The following ABCA5 variants were observed in gnomAD, a reference collection of about 807,000 sequenced individuals.
ABCA5 encodes ATP binding cassette subfamily A member 5.
In ABCA5, 163 loss-of-function variants were observed where a neutral mutation model predicts 206.0. That is an observed-to-expected ratio of 0.79 (90% CI 0.70 to 0.90). The LOEUF is 0.90. ABCA5 is among the 40% of genes least tolerant of loss of function. ABCA5 has a pLI of 0.00. For missense variants in ABCA5, 1,859 were observed against 1,912.9 expected (o/e 0.97, Z 0.53); for synonymous variants, 609 against 613.8 (o/e 0.99, Z 0.11).
chr17:69,271,114 A>G, intron 21 of ABCA5, 48 bp downstream of exon 21: 1 of 1,568,934 alleles, frequency 6.4e-7, no homozygotes, highest in Non-Finnish European at 8.6e-7. Flanking sequence ...AAACGTTTTA[A>G]TCTTGCATAA....
intron 20 of ABCA5, among the ~76,000 whole-genome samples, chr17:69,273,559 G>A (rs2075297271): frequency 6.6e-6 from 1 of 151,468 alleles, no homozygotes; most frequent in Non-Finnish European, 1.5e-5. Context: ...GGGTTCAAGC[G>A]ATTCTCCTGC....
rs182021100 is a variant in ABCA5 at position 69,292,257 on chromosome 17, C to T, written c.1496-931G>A. Among the ~76,000 whole-genome samples, 102 of 152,250 alleles carry T rather than the reference C, an allele frequency of 6.7e-4. 1 individual carries two copies. In the South Asian group the frequency reaches 7.9e-3, roughly 12 times the overall value. On this transcript the variant is annotated intron_variant, in intron 11 of 38. Transcript: ENST00000392676. ...AACGTTAAGTGTTCTGCCCCATGAACGTGGTATTTCTATTTATTTAAATCT... is the reference window on the plus strand; with the variant it reads ...AACGTTAAGTGTTCTGCCCCATGAATGTGGTATTTCTATTTATTTAAATCT...
chr17:69,286,135 T>A, intron 16 of ABCA5, 86 bp downstream of exon 16: 1 of 1,548,990 alleles, frequency 6.5e-7, no homozygotes, highest in Non-Finnish European at 8.8e-7. Context: ...TAAATGATGG[T>A]CAAAGCATAT....
At chr17:69,303,807 T>TACACATATATATATATACAC (rs1555584104) in intron 7 of ABCA5, among the ~76,000 whole-genome samples, 3 of 5,224 alleles carry the variant, frequency 5.7e-4, no homozygotes, top group Non-Finnish European at 1.2e-3. Flanking sequence ...TATATATATA[T>TACACATATATATATATACAC]ACATACATAT....
At chr17:69,257,504 G>C (rs1806069622) in intron 28 of ABCA5, among the ~76,000 whole-genome samples, 1 of 152,024 alleles carries the variant, frequency 6.6e-6, no homozygotes. Context: ...GAAAGGTAAG[G>C]GAAAACCCAG....
chr17:69,310,835 CA>C (rs1395778021), intron 3 of ABCA5, among the ~76,000 whole-genome samples: 51 of 152,274 alleles, frequency 3.3e-4, no homozygotes, highest in African/African-American at 1.1e-3. Context: ...TCCTCATCTA[CA>C]ATGCCTAGCT....
At chr17:69,325,169 C>T (rs929824871) in intron 1 of ABCA5, among the ~76,000 whole-genome samples, 17 of 147,834 alleles carry the variant, frequency 1.1e-4, no homozygotes, top group Non-Finnish European at 2.1e-4. Context: ...AATAGCCAGG[C>T]GTAGGGGCAC....
chr17:69,308,245 C>A, intron 5 of ABCA5, 35 bp downstream of exon 5: 1 of 1,325,308 alleles, frequency 7.5e-7, no homozygotes, highest in Non-Finnish European at 1.1e-6. Flanking sequence ...TTTAAAATGG[C>A]ATAGTTTTTG....
chr17:69,299,246 A>G (rs2075623995), intron 9 of ABCA5, among the ~76,000 whole-genome samples: 1 of 152,208 alleles, frequency 6.6e-6, no homozygotes, highest in South Asian at 2.1e-4. Flanking sequence ...CACTATGGAA[A>G]GCAGTGTGGA....
rs2144981462 is a variant in ABCA5, at chr17:69,289,853, A to C, written c.1782+9T>G. ...AATAAAAGTAAAGATTTCTATATGA[A>C]TAGCATACTTCTTGTATTATATTGT... On this transcript the variant is annotated intron_variant, in intron 13 of 38. Coordinates refer to ENST00000392676, the MANE Select transcript of ABCA5 (RefSeq NM_172232.4). The C allele has an allele frequency of 6.3e-7, 1 of 1,582,160 alleles. No individual in the cohort carries two copies. Among genetic ancestry groups the C allele is most frequent in the Non-Finnish European group, 8.6e-7 (1 of 1,163,560 alleles).
rs2075350520 is a variant in ABCA5, at chr17:69,277,800, T to A, written c.2435A>T (p.Asp812Val). ...FTQQPLEEEM[D>V]SKSFDEMEQS... Reference sequence around the variant, plus strand: ...TTCCATTTCATCAAAAGATTTTGAATCCATTTCTTCCTCCAGTGGCTGCTG... The same window carrying A: ...TTCCATTTCATCAAAAGATTTTGAAACCATTTCTTCCTCCAGTGGCTGCTG... Residue 812 changes from aspartate to valine, a missense_variant, in exon 19 of 39, where the codon GAT (aspartate) becomes GTT (valine). Asp to Val is a radical substitution (Grantham distance 152). Coordinates refer to ENST00000392676, the MANE Select transcript of ABCA5 (RefSeq NM_172232.4). 1.9e-6 allele frequency: 3 copies of A among 1,579,010 alleles called. No individual in the cohort carries two copies. Among genetic ancestry groups the A allele is most frequent in the African/African-American group, 2.7e-5 (2 of 73,098 alleles).
chr17:69,311,851 C>T (rs936673359), intron 3 of ABCA5, among the ~76,000 whole-genome samples: 2 of 152,108 alleles, frequency 1.3e-5, no homozygotes, highest in Non-Finnish European at 2.9e-5. Context: ...AATTTCATTT[C>T]AACATTTTTA....
In ABCA5 at chr17:69,283,915, A is replaced by T. The variant is rs147877340; in HGVS notation, c.2392+38T>A. The T allele has an allele frequency of 3.6e-3, 5,750 of 1,590,782 alleles. 187 individuals carry two copies. In the African/African-American group the frequency reaches 0.067, roughly 18 times the overall value. On this transcript the variant is annotated intron_variant, in intron 18 of 38. Coordinates refer to ENST00000392676, the MANE Select transcript of ABCA5 (RefSeq NM_172232.4). Reference sequence around the variant, plus strand: ...TTTTGTCTTATTCACCATCTGTCTGATTCATTGCCTAAAATGTTTTGTTAG... The same window carrying T: ...TTTTGTCTTATTCACCATCTGTCTGTTTCATTGCCTAAAATGTTTTGTTAG...
In ABCA5 at chr17:69,309,356, G is replaced by T. The variant is rs1164927644; in HGVS notation, c.375C>A (p.Asn125Lys). ...MLTSSLSKPS[N>K]FVGVVFKDSM... ...AGTCTTTGAAAACCACACCTACAAA[G>T]TTGCTCGGCTTAGAGAGACTGGATG... Residue 125 changes from asparagine to lysine, a missense_variant, in exon 4 of 39, where the codon AAC (asparagine) becomes AAA (lysine). Physicochemically the swap from Asn to Lys is moderately conservative, Grantham distance 94 (BLOSUM62 0). Transcript: ENST00000392676. The T allele has an allele frequency of 6.2e-7, 1 of 1,605,880 alleles. No individual in the cohort carries two copies. The highest frequency in any genetic ancestry group is 8.5e-7 in the Non-Finnish European group (1 of 1,177,552).
At chr17:69,278,830 C>T (rs2075360479) in intron 18 of ABCA5, among the ~76,000 whole-genome samples, 1 of 151,932 alleles carries the variant, frequency 6.6e-6, no homozygotes, top group African/African-American at 2.4e-5. Context: ...TGACAAAATT[C>T]AACAACCCTT....
At chr17:69,257,605 A>G (rs1048087173) in intron 28 of ABCA5, among the ~76,000 whole-genome samples, 2 of 151,988 alleles carry the variant, frequency 1.3e-5, no homozygotes, top group African/African-American at 4.8e-5. Flanking sequence ...TAGAATAGGA[A>G]TTAGGGATGG....
chr17:69,252,841 A>G (rs2075032209), intron 34 of ABCA5, among the ~76,000 whole-genome samples: 2 of 151,512 alleles, frequency 1.3e-5, no homozygotes, highest in African/African-American at 4.8e-5. Context: ...TGACTCAAAA[A>G]AAAAAAAAAA....
At chr17:69,302,627 G>A (rs2075663635) in intron 8 of ABCA5, 91 bp downstream of exon 8, 1 of 868,626 alleles carries the variant, frequency 1.2e-6, no homozygotes, top group Admixed American at 3.7e-5. Flanking sequence ...AATTTTTTTG[G>A]TAAATCAAAG....
At position 69,291,199 on chromosome 17, in the gene ABCA5, TAAG is replaced by T; in HGVS notation, c.1606+14_1606+16del. On this transcript the variant is annotated intron_variant, in intron 12 of 38. Coordinates refer to ENST00000392676, the MANE Select transcript of ABCA5 (RefSeq NM_172232.4). ...ATATATAATGAAGTTTTTTTTTCTT[TAAG>T]ACAGAAAACTCACCATCAGAAGGTG... 2 of 1,528,300 alleles carry T rather than the reference TAAG, an allele frequency of 1.3e-6. No individual in the cohort carries two copies. Among genetic ancestry groups the T allele is most frequent in the Admixed American group, 2.0e-5 (1 of 49,906 alleles). 94.7% of individuals were successfully genotyped at this position (1,528,300 alleles called of 1,614,324 possible).
Sources: allele counts gnomAD v4.1 joint callset (sites outside exome capture counted in the v4.1 genomes callset), GRCh38; gene constraint gnomAD v4.1.1; transcripts MANE v1.5; gene names NCBI Gene and HGNC (gene_info 2026-07-23, HGNC 2026-07-21).